The following GRIP1 variants were observed in gnomAD, a reference collection of about 807,000 sequenced individuals.
The protein encoded by GRIP1 is glutamate receptor-interacting protein 1.
Under a neutral mutation model 129.9 loss-of-function variants are expected in GRIP1, and 45 were observed. The ratio of observed to expected loss-of-function variants is 0.35; its 90% CI spans 0.27 to 0.44. GRIP1 has a LOEUF of 0.44. GRIP1 is among the 20% of genes least tolerant of loss of function. The pLI, the probability that GRIP1 is intolerant of heterozygous loss-of-function variation, is 1.00. For synonymous variants in GRIP1, 530 were observed against 520.8 expected (o/e 1.02, Z -0.24); for missense variants, 1,196 against 1,396.8 (o/e 0.86, Z 2.29).
chr12:66,549,971 G>T (rs534788880), intron 2 of GRIP1, among the ~76,000 whole-genome samples: 1 of 152,216 alleles, frequency 6.6e-6, no homozygotes, highest in Non-Finnish European at 1.5e-5. Flanking sequence ...TATGGGTCAG[G>T]ATTCTTTTAA....
At chr12:66,792,037 T>A (rs1277279967) in intron 1 of GRIP1, among the ~76,000 whole-genome samples, 1 of 152,016 alleles carries the variant, frequency 6.6e-6, no homozygotes, top group African/African-American at 2.4e-5. Context: ...GAGAAAGAGG[T>A]GGGAAAATGA....
At chr12:66,723,300 CTTTCTTTTTTTTTTTTTTTTT>C (rs2036145123) in intron 1 of GRIP1, among the ~76,000 whole-genome samples, 1 of 42,566 alleles carries the variant, frequency 2.3e-5, no homozygotes, top group African/African-American at 1.2e-4. Context: ...TTCTTTCTTT[CTTTCTTTTTTTTTTTTTTTTT>C]TTTTTTTTTG....
intron 1 of GRIP1, among the ~76,000 whole-genome samples, chr12:66,936,625 C>T (rs559971569): frequency 5.9e-5 from 9 of 152,152 alleles, no homozygotes; most frequent in South Asian, 2.1e-4. Flanking sequence ...AGGGAAACCC[C>T]GAATTTGTAG....
chr12:66,528,293 C>T (rs1397123371), intron 5 of GRIP1, among the ~76,000 whole-genome samples: 4 of 152,030 alleles, frequency 2.6e-5, no homozygotes, highest in African/African-American at 9.6e-5. Flanking sequence ...TGCCACCACG[C>T]CCGGCTAATG....
At chr12:66,945,195 T>C (rs1286572167) in intron 1 of GRIP1, among the ~76,000 whole-genome samples, 1 of 152,164 alleles carries the variant, frequency 6.6e-6, no homozygotes, top group African/African-American at 2.4e-5. Flanking sequence ...GGTTCAGGAG[T>C]CCATGTGCAG....
At position 66,801,064 on chromosome 12, in the gene GRIP1, A is replaced by C. The variant is rs563959052; in HGVS notation, c.-420+2989T>G. 3.9e-5 allele frequency among the ~76,000 whole-genome samples: 6 copies of C among 152,206 alleles called. No individual in the cohort carries two copies. In the East Asian group the frequency reaches 7.7e-4, roughly 20 times the overall value. ...TCTTTTTGCCTTGAATACCAATGAA[A>C]ATTCTCCAGTCAATACCTTTACCTA... On this transcript the variant is annotated intron_variant, in intron 1 of 4. Transcript: ENST00000538373.
At chr12:66,382,966 G>C (rs2056184511) in intron 19 of GRIP1, among the ~76,000 whole-genome samples, 1 of 152,102 alleles carries the variant, frequency 6.6e-6, no homozygotes, top group Non-Finnish European at 1.5e-5. Flanking sequence ...CTTGCAGTTA[G>C]ATAGCAGGTC....
chr12:66,653,582 A>C (rs1473330844), intron 1 of GRIP1, among the ~76,000 whole-genome samples: 1 of 152,178 alleles, frequency 6.6e-6, no homozygotes, highest in Non-Finnish European at 1.5e-5. Context: ...CATTTATGTC[A>C]CTGTGGGAGG....
chr12:66,870,313 T>C (rs904495166), intron 1 of GRIP1, among the ~76,000 whole-genome samples: 3 of 152,074 alleles, frequency 2.0e-5, no homozygotes, highest in Admixed American at 6.6e-5. Flanking sequence ...TATTACTAAA[T>C]AGAATGAAAA....
chr12:66,862,674 T>C (rs936320779), intron 1 of GRIP1, among the ~76,000 whole-genome samples: 2 of 152,006 alleles, frequency 1.3e-5, no homozygotes, highest in Non-Finnish European at 2.9e-5. Flanking sequence ...CTCAGTAGTC[T>C]AGGAAAATTG....
intron 1 of GRIP1, among the ~76,000 whole-genome samples, chr12:66,767,519 G>A (rs1456509646): frequency 1.3e-5 from 2 of 150,732 alleles, no homozygotes; most frequent in African/African-American, 4.9e-5. Context: ...AAAAGCTGAA[G>A]AAGAAGGCTA....
At chr12:66,515,083 TA>T (rs1172059019) in intron 7 of GRIP1, among the ~76,000 whole-genome samples, 2 of 152,066 alleles carry the variant, frequency 1.3e-5, no homozygotes, top group African/African-American at 2.4e-5. Flanking sequence ...AATCATAATT[TA>T]AAAAAAGAAA....
At chr12:66,476,799 C>A (rs909967393) in intron 7 of GRIP1, among the ~76,000 whole-genome samples, 3 of 152,156 alleles carry the variant, frequency 2.0e-5, no homozygotes, top group African/African-American at 4.8e-5. Flanking sequence ...TCAATAGCTG[C>A]AGAAAAGGCC....
intron 1 of GRIP1, among the ~76,000 whole-genome samples, chr12:66,625,758 A>AG (rs1318277391): frequency 2.0e-5 from 3 of 152,202 alleles, no homozygotes; most frequent in African/African-American, 7.2e-5. Flanking sequence ...AGCAAATGTA[A>AG]GGGGTTGCTA....
intron 1 of GRIP1, among the ~76,000 whole-genome samples, chr12:66,615,770 G>C (rs971495882): frequency 3.3e-5 from 5 of 151,982 alleles, no homozygotes; most frequent in African/African-American, 4.8e-5. Context: ...TCAGCCTCCC[G>C]AGTAGCTGGG....
intron 7 of GRIP1, among the ~76,000 whole-genome samples, chr12:66,497,146 T>C (rs950548921): frequency 7.9e-5 from 12 of 152,174 alleles, no homozygotes; most frequent in Non-Finnish European, 1.6e-4. Flanking sequence ...GCATACATAA[T>C]GTCCCTGTTT....
intron 1 of GRIP1, among the ~76,000 whole-genome samples, chr12:66,918,385 A>G (rs1210178128): frequency 6.6e-6 from 1 of 152,152 alleles, no homozygotes; most frequent in African/African-American, 2.4e-5. Flanking sequence ...GGGCCATCTT[A>G]TTTTCTCAGT....
At chr12:67,025,525 T>C (rs1168722066) in intron 1 of GRIP1, among the ~76,000 whole-genome samples, 1 of 152,236 alleles carries the variant, frequency 6.6e-6, no homozygotes, top group Non-Finnish European at 1.5e-5. Context: ...CACTTTGGCC[T>C]TCTGTTTCCA....
chr12:66,853,148 T>C (rs532975611), intron 1 of GRIP1, among the ~76,000 whole-genome samples: 1 of 151,716 alleles, frequency 6.6e-6, no homozygotes, highest in Admixed American at 6.6e-5. Flanking sequence ...CCGACTGTAA[T>C]TCTCAAGCAG....
Sources: allele counts gnomAD v4.1 joint callset (sites outside exome capture counted in the v4.1 genomes callset), GRCh38; gene constraint gnomAD v4.1.1; transcripts MANE v1.5; gene names NCBI Gene and HGNC (gene_info 2026-07-23, HGNC 2026-07-21).